GOSR2: variants seen among roughly 807,000 people sequenced by gnomAD.
The protein encoded by GOSR2 is 27 kDa Golgi SNARE protein.
Under a neutral mutation model 27.9 loss-of-function variants are expected in GOSR2, and 20 were observed. That is an observed-to-expected ratio of 0.72 (90% CI 0.50 to 1.04). GOSR2 has a LOEUF of 1.04. Ranked by LOEUF, GOSR2 falls within the 50% of genes least tolerant of loss-of-function variation. The pLI is 0.00. For missense variants in GOSR2, 261 were observed against 270.5 expected (o/e 0.97, Z 0.25); for synonymous variants, 91 against 98.8 (o/e 0.92, Z 0.47).
Position 46,940,617 on chromosome 17 carries a change from A to C in GOSR2, c.*1857A>C, listed in dbSNP as rs1374646378. 2 of 1,614,116 alleles carry C rather than the reference A, an allele frequency of 1.2e-6. No individual in the cohort carries two copies. Among genetic ancestry groups the C allele is most frequent in the Admixed American group, 3.3e-5 (2 of 60,022 alleles). On this transcript the variant is annotated 3_prime_UTR_variant, in exon 6 of 6. Coordinates refer to ENST00000640051, the MANE Select transcript of GOSR2 (RefSeq NM_004287.5). ...AAGGTCTGCAGGGAGCAGCTGAGCC[A>C]TTTGTTCTTGAACTCTGGGAGGCAG...
chr17:46,945,780 C>T (rs1568196033), downstream of GOSR2, among the ~76,000 whole-genome samples: 2 of 152,104 alleles, frequency 1.3e-5, no homozygotes, highest in South Asian at 2.1e-4. Flanking sequence ...GAGTGGGGAC[C>T]TCTATAGGAG....
chr17:46,967,654 G>A (rs2091349065), downstream of GOSR2, among the ~76,000 whole-genome samples: 1 of 152,156 alleles, frequency 6.6e-6, no homozygotes, highest in African/African-American at 2.4e-5. Context: ...ACTGGGAAAT[G>A]GGCCGGTGCA....
intron 1 of GOSR2, among the ~76,000 whole-genome samples, chr17:46,927,607 C>T (rs1422398669): frequency 1.3e-5 from 2 of 152,120 alleles, no homozygotes; most frequent in Non-Finnish European, 2.9e-5. Flanking sequence ...GGTAACAAAC[C>T]GGAGCTGTTG....
rs1967587498 is a variant in GOSR2 at position 46,940,836 on chromosome 17, A to G, written c.*2076A>G. 6.9e-7 allele frequency: 1 copy of G among 1,457,948 alleles called. No homozygotes were observed. Among genetic ancestry groups the G allele is most frequent in the South Asian group, 1.4e-5 (1 of 71,236 alleles). The allele number at this position is 1,457,948 out of a possible 1,614,324, so 90.3% of individuals were successfully genotyped here. ...CACCTGCGGCTGGTGGACAGCAGCC[A>G]GTGTGTCTGGACACCCAGGGGCATT... On this transcript the variant is annotated 3_prime_UTR_variant, in exon 6 of 6. Transcript: ENST00000640051.
chr17:46,969,249 A>G (rs1231777455), downstream of GOSR2, among the ~76,000 whole-genome samples: 1 of 152,176 alleles, frequency 6.6e-6, no homozygotes, highest in African/African-American at 2.4e-5. Context: ...GGAACACTCT[A>G]GCTGCCCTTC....
At chr17:46,968,097 G>A (rs1324652056), downstream of GOSR2, among the ~76,000 whole-genome samples, 1 of 152,128 alleles carries the variant, frequency 6.6e-6, no homozygotes, top group Non-Finnish European at 1.5e-5. Context: ...GCATGGCCCA[G>A]TGCAGACCCT....
chr17:46,925,537 GATATT>G (rs1392597042), intron 1 of GOSR2, among the ~76,000 whole-genome samples: 1 of 152,176 alleles, frequency 6.6e-6, no homozygotes, highest in African/African-American at 2.4e-5. Context: ...TCTGTAGAAT[GATATT>G]ATAATTTGGG....
intron 5 of GOSR2, 43 bp downstream of exon 5, chr17:46,935,212 AG>A: frequency 1.2e-6 from 2 of 1,612,484 alleles, no homozygotes; most frequent in Non-Finnish European, 1.7e-6. Flanking sequence ...CTCTTGTTTT[AG>A]CCTCATCCAA....
At chr17:46,975,061 A>T (rs1263444889) in intron 6 of GOSR2, 1 of 149,732 alleles carries the variant, frequency 6.7e-6, no homozygotes, top group East Asian at 1.9e-4. Flanking sequence ...TTAGGGAAAG[A>T]GTTCATACGA....
rs532771852 is a variant in GOSR2, at chr17:46,957,824, C to T, written c.584-8710C>T. Among the ~76,000 whole-genome samples, 4 of 152,306 alleles carry T rather than the reference C, an allele frequency of 2.6e-5. No homozygotes were observed. In the East Asian group the frequency reaches 7.7e-4, roughly 29 times the overall value. On this transcript the variant is annotated intron_variant, in intron 6 of 6. Coordinates refer to the GOSR2 transcript ENST00000573224. ...GGACAGGAGAGAGACATGATACAAT[C>T]AGTGCTAATGATCCAGACATCTCCA...
chr17:46,967,704 C>T (rs1383437538), downstream of GOSR2, among the ~76,000 whole-genome samples: 1 of 151,938 alleles, frequency 6.6e-6, no homozygotes, highest in African/African-American at 2.4e-5. Context: ...TGAAAACTGG[C>T]TCAAGCATTC....
chr17:46,955,508 CA>C (rs1395476398), intron 6 of GOSR2: 1 of 152,146 alleles, frequency 6.6e-6, no homozygotes, highest in Non-Finnish European at 1.5e-5. Flanking sequence ...CAGAGCCCCC[CA>C]AATTCTTATC....
intron 2 of GOSR2, 85 bp from the exon 3 acceptor site, chr17:46,931,014 T>G: frequency 1.3e-6 from 1 of 797,602 alleles, no homozygotes; most frequent in South Asian, 1.4e-5. Context: ...TTATTGGATA[T>G]TGAAAAAAAA....
Position 46,923,184 on chromosome 17 carries a change from G to T in GOSR2, c.-9G>T. 6.5e-7 allele frequency: 1 copy of T among 1,537,908 alleles called. No homozygotes were observed. Among genetic ancestry groups the T allele is most frequent in the Non-Finnish European group, 8.8e-7 (1 of 1,134,662 alleles). Reference sequence around the variant, plus strand: ...CAGAGCCGGAGCCGTGGCCTGCGGGGCCGGCGACATGGATCCCCTGTTCCA... The same window carrying T: ...CAGAGCCGGAGCCGTGGCCTGCGGGTCCGGCGACATGGATCCCCTGTTCCA... On this transcript the variant is annotated 5_prime_UTR_variant, in exon 1 of 6. Transcript: ENST00000640051.
intron 2 of GOSR2, chr17:46,930,319 A>G (rs1011173066): frequency 6.6e-6 from 1 of 152,338 alleles, no homozygotes; most frequent in East Asian, 1.9e-4. Flanking sequence ...ATGGGGCAAG[A>G]AGCAGTCTGG....
intron 2 of GOSR2, 103 bp downstream of exon 2, chr17:46,929,687 C>T (rs536111221): frequency 3.7e-5 from 27 of 724,852 alleles, no homozygotes; most frequent in African/African-American, 2.3e-4. Context: ...AATGATTCAG[C>T]GTGGAATGAG....
In GOSR2 at chr17:46,931,127, A is replaced by G. The variant is rs748660197; in HGVS notation, c.123A>G (p.Ile41Met). 1.2e-6 allele frequency: 2 copies of G among 1,608,508 alleles called. No homozygotes were observed. The highest frequency in any genetic ancestry group is 2.2e-5 in the East Asian group (1 of 44,850). Residue 41 changes from isoleucine to methionine, a missense_variant, in exon 3 of 6, where the codon ATA becomes ATG. Physicochemically the swap from Ile to Met is conservative, Grantham distance 10 (BLOSUM62 1). Transcript: ENST00000640051. ...TAGAAAACGAAATCCAAGCAAGCAT[A>G]GACCAGATATTCAGCCGTCTAGAAC... The part of the protein sequence containing the change: ...HIVENEIQAS[I>M]DQIFSRLERL...
chr17:46,959,388 C>G (rs1291802388), intron 6 of GOSR2, among the ~76,000 whole-genome samples: 1 of 152,208 alleles, frequency 6.6e-6, no homozygotes, highest in Non-Finnish European at 1.5e-5. Context: ...TCTGGTAGTC[C>G]TCAAAAGCCA....
chr17:46,941,838 G>A lies in GOSR2; in HGVS notation c.*3078G>A, dbSNP rs151011422. On this transcript the variant is annotated 3_prime_UTR_variant, in exon 6 of 6. Transcript: ENST00000640051. ...TGGCCTCAAGTGATCTGCCTGCTTC[G>A]GCCTCCCAAAGTTCTAGGGTTACAG... 0.02 allele frequency: 13,526 copies of A among 661,884 alleles called. 164 individuals are homozygous for A. The highest frequency in any genetic ancestry group is 0.023 in the Non-Finnish European group (12,359 of 534,710). The allele number at this position is 661,884 out of a possible 1,614,324, so 41.0% of individuals were successfully genotyped here.
Sources: allele counts gnomAD v4.1 joint callset (sites outside exome capture counted in the v4.1 genomes callset), GRCh38; gene constraint gnomAD v4.1.1; transcripts MANE v1.5; gene names NCBI Gene and HGNC (gene_info 2026-07-23, HGNC 2026-07-21).